TAOK3: variants seen among roughly 807,000 people sequenced by gnomAD.
TAOK3 encodes the protein TAO kinase 3.
In TAOK3, 40 loss-of-function variants were observed where a neutral mutation model predicts 120.4. The observed-to-expected ratio is 0.33, with a 90% CI of 0.26 to 0.43. The LOEUF is 0.43. Among genes scored for constraint, TAOK3 ranks in the 20% least tolerant of loss-of-function variants. TAOK3 has a pLI of 1.00. For missense variants in TAOK3, 821 were observed against 1,112.1 expected (o/e 0.74, Z 3.72); for synonymous variants, 355 against 387.5 (o/e 0.92, Z 0.99).
At chr12:118,290,946 G>A (rs2140522447) in intron 1 of TAOK3, among the ~76,000 whole-genome samples, 1 of 150,912 alleles carries the variant, frequency 6.6e-6, no homozygotes, top group African/African-American at 2.4e-5. Flanking sequence ...GGAGTGCCGT[G>A]GCGTGATCTC....
rs766422485 is a variant in TAOK3, at chr12:118,195,832, C to T, written c.1194+3219G>A. ...TTGGGAGGCCAAAGAGGGTGGATCA[C>T]GAGGTCAGGAGATCGAGACCATCCC... On this transcript the variant is annotated intron_variant, in intron 13 of 20. Coordinates refer to ENST00000392533, the MANE Select transcript of TAOK3 (RefSeq NM_016281.4). Among the ~76,000 whole-genome samples the T allele has an allele frequency of 9.2e-5, 14 of 152,180 alleles. No homozygotes were observed. The Middle Eastern group carries it at 0.01, about 111-fold the overall frequency.
intron 19 of TAOK3, among the ~76,000 whole-genome samples, chr12:118,153,597 T>G (rs959785783): frequency 4.6e-5 from 7 of 152,282 alleles, no homozygotes; most frequent in Admixed American, 1.3e-4. Context: ...CAGGACAGTG[T>G]TTAGGAATGA....
intron 9 of TAOK3, among the ~76,000 whole-genome samples, chr12:118,216,377 T>G (rs1425633126): frequency 6.6e-6 from 1 of 152,222 alleles, no homozygotes; most frequent in Non-Finnish European, 1.5e-5. Flanking sequence ...CTTGGCATAC[T>G]GGTCATTTGG....
At chr12:118,278,845 C>T (rs768073747) in intron 1 of TAOK3, among the ~76,000 whole-genome samples, 16 of 152,074 alleles carry the variant, frequency 1.1e-4, no homozygotes, top group African/African-American at 3.6e-4. Flanking sequence ...CTTGCTCTGT[C>T]GCCCAGGCTG....
chr12:118,234,594 G>A (rs1420650490), intron 8 of TAOK3, among the ~76,000 whole-genome samples: 1 of 151,576 alleles, frequency 6.6e-6, no homozygotes, highest in East Asian at 1.9e-4. Context: ...CCAGGTTGGG[G>A]TGCAGTGGCG....
At chr12:118,253,524 A>T (rs1176910550) in intron 3 of TAOK3, among the ~76,000 whole-genome samples, 1 of 149,826 alleles carries the variant, frequency 6.7e-6, no homozygotes, top group Non-Finnish European at 1.5e-5. Context: ...GATCACCTGA[A>T]GTCAGGAGTT....
intron 1 of TAOK3, among the ~76,000 whole-genome samples, chr12:118,305,003 C>A (rs2042999405): frequency 6.6e-6 from 1 of 152,146 alleles, no homozygotes; most frequent in South Asian, 2.1e-4. Context: ...GAACTGAGTT[C>A]AAATCCCAGA....
At position 118,238,121 on chromosome 12, in the gene TAOK3, C is replaced by G. The variant is rs775264416; in HGVS notation, c.389G>C (p.Gly130Ala). 4 of 1,612,412 alleles carry G rather than the reference C, an allele frequency of 2.5e-6. No homozygotes were observed. In the South Asian group the frequency reaches 4.4e-5, roughly 18 times the overall value. ...QEVEIAAITHGALHGLAYLHS... is the reference protein window; with the variant it reads ...QEVEIAAITHAALHGLAYLHS... Reference sequence around the variant, plus strand: ...TAGGTAGGCTAGTCCATGCAAGGCTCCATGAGTAATGGCAGCGATCTCCAC... The same window carrying G: ...TAGGTAGGCTAGTCCATGCAAGGCTGCATGAGTAATGGCAGCGATCTCCAC... The change falls in exon 7 of 21, where the codon GGA (glycine) becomes GCA (alanine). Residue 130 changes from glycine (G) to alanine (A), a missense_variant. Physicochemically the swap from Gly to Ala is moderately conservative, Grantham distance 60. Coordinates refer to ENST00000392533, the MANE Select transcript of TAOK3 (RefSeq NM_016281.4).
chr12:118,271,103 G>A (rs779885420), intron 1 of TAOK3, among the ~76,000 whole-genome samples: 3 of 151,984 alleles, frequency 2.0e-5, no homozygotes, highest in Non-Finnish European at 2.9e-5. Flanking sequence ...GTCCACATTT[G>A]GATTAATCAT....
At chr12:118,262,306 A>AC (rs1305494880) in intron 2 of TAOK3, among the ~76,000 whole-genome samples, 2 of 151,546 alleles carry the variant, frequency 1.3e-5, no homozygotes, top group African/African-American at 4.9e-5. Context: ...AGATGATGAA[A>AC]CCCCATCTCT....
chr12:118,285,782 G>A (rs1386930920), intron 1 of TAOK3, among the ~76,000 whole-genome samples: 1 of 152,150 alleles, frequency 6.6e-6, no homozygotes, highest in Non-Finnish European at 1.5e-5. Context: ...ACGGCCTCAG[G>A]AGGTCATGAC....
At chr12:118,296,034 T>G (rs1261155668) in intron 1 of TAOK3, among the ~76,000 whole-genome samples, 1 of 152,232 alleles carries the variant, frequency 6.6e-6, no homozygotes, top group Non-Finnish European at 1.5e-5. Context: ...CTAGATCACC[T>G]GTGTGTATGT....
At chr12:118,173,602 G>A (rs2036139793) in intron 16 of TAOK3, among the ~76,000 whole-genome samples, 1 of 152,142 alleles carries the variant, frequency 6.6e-6, no homozygotes, top group African/African-American at 2.4e-5. Flanking sequence ...TCACTAGTTT[G>A]AATTTTAGGA....
intron 9 of TAOK3, among the ~76,000 whole-genome samples, chr12:118,232,671 C>G (rs185339256): frequency 6.6e-6 from 1 of 152,164 alleles, no homozygotes; most frequent in East Asian, 1.9e-4. Flanking sequence ...TTTGGGACCT[C>G]GAGGCAGGCA....
intron 9 of TAOK3, among the ~76,000 whole-genome samples, chr12:118,217,180 T>C (rs1358267689): frequency 2.6e-5 from 4 of 152,110 alleles, no homozygotes; most frequent in African/African-American, 7.2e-5. Flanking sequence ...GGTGAAGTTA[T>C]AGAAAAGACA....
chr12:118,186,766 T>A (rs7959442), intron 14 of TAOK3, among the ~76,000 whole-genome samples: 5 of 152,306 alleles, frequency 3.3e-5, no homozygotes, highest in African/African-American at 1.2e-4. Flanking sequence ...GTTACAATGC[T>A]AAAGTTTTCT....
rs1432983241 is a variant in TAOK3, at chr12:118,371,980, C to T, written c.-194+668G>A. On this transcript the variant is annotated intron_variant, in intron 1 of 20. Coordinates refer to ENST00000392533, the MANE Select transcript of TAOK3 (RefSeq NM_016281.4). This position sits in a 1 kb window ranked among gnomAD's most constrained non-coding sequence, Gnocchi z 5.5. The stretch of plus-strand genomic sequence containing the variant: ...CTCTCTAGGTGTCCTGCTCTCAGCC[C>T]CGCTGTCTCAGCCCAGCCCCCTTCC... Among the ~76,000 whole-genome samples the T allele has an allele frequency of 6.6e-6, 1 of 150,950 alleles. No individual in the cohort carries two copies. The highest frequency in any genetic ancestry group is 1.5e-5 in the Non-Finnish European group (1 of 67,612).
chr12:118,337,830 G>A (rs1426535748), intron 1 of TAOK3, among the ~76,000 whole-genome samples: 3 of 152,176 alleles, frequency 2.0e-5, no homozygotes, highest in Admixed American at 1.3e-4. Flanking sequence ...CTTCAATCTT[G>A]ACCATTGTGG....
At chr12:118,316,429 T>TTTA (rs1423346348) in intron 1 of TAOK3, among the ~76,000 whole-genome samples, 1 of 152,170 alleles carries the variant, frequency 6.6e-6, no homozygotes, top group Non-Finnish European at 1.5e-5. Context: ...TCATTTTTTT[T>TTTA]TTACTCTCTC....
Sources: gnomAD v4.1 joint callset for allele counts (sites outside exome capture counted in the v4.1 genomes callset) on GRCh38, gnomAD v4.1.1 for gene constraint, Gnocchi (gnomAD v3.1) non-coding constraint, MANE v1.5 for transcripts, NCBI Gene and HGNC (gene_info 2026-07-23, HGNC 2026-07-21) for gene names.